The following KNDC1 variants were observed in gnomAD, a reference collection of about 807,000 sequenced individuals.
The protein encoded by KNDC1 is kinase non-catalytic C-lobe domain containing 1, also known as kinase non-catalytic C-lobe domain-containing protein 1.
A neutral mutation model predicts 172.8 loss-of-function variants in KNDC1; 106 were observed. The observed-to-expected ratio is 0.61, with a 90% CI of 0.52 to 0.72. KNDC1 has a LOEUF of 0.72. Among genes scored for constraint, KNDC1 ranks in the 30% least tolerant of loss-of-function variants. The pLI is 0.00. For missense variants in KNDC1, 2,325 were observed against 2,394.5 expected (o/e 0.97, Z 0.61); for synonymous variants, 1,083 against 1,062.2 (o/e 1.02, Z -0.38).
chr10:133,170,962 T>A (rs925737759), intron 3 of KNDC1, among the ~76,000 whole-genome samples: 31 of 152,238 alleles, frequency 2.0e-4, no homozygotes, highest in African/African-American at 6.5e-4. Flanking sequence ...TGAGCCACAC[T>A]CAGAGAAAAG....
At chr10:133,183,157 C>T (rs946755639) in intron 3 of KNDC1, among the ~76,000 whole-genome samples, 187 bp from the exon 4 acceptor site, 5 of 148,722 alleles carry the variant, frequency 3.4e-5, no homozygotes, top group Non-Finnish European at 7.5e-5. Context: ...TGGGCGCGGG[C>T]GGCGAGGGTG....
At chr10:133,181,608 G>A (rs1303151441) in intron 3 of KNDC1, among the ~76,000 whole-genome samples, 1 of 152,206 alleles carries the variant, frequency 6.6e-6, no homozygotes, top group Non-Finnish European at 1.5e-5. Flanking sequence ...GGGTAGAGGA[G>A]AAGCAGAAAC....
chr10:133,190,781 G>C lies in KNDC1; in HGVS notation c.1575+968G>C, dbSNP rs74164114. 1.3e-3 allele frequency among the ~76,000 whole-genome samples: 191 copies of C among 152,342 alleles called. 1 individual carries two copies. The highest frequency in any genetic ancestry group is 4.4e-3 in the African/African-American group (181 of 41,592). ...CCTTTACACCAAGAAGGCTGGGAAA[G>C]CACTGTCATCTGCAGGTGGCCCAGG... is the stretch of plus-strand genomic sequence containing the variant. On this transcript the variant is annotated intron_variant, in intron 9 of 29. Coordinates refer to ENST00000304613, the MANE Select transcript of KNDC1 (RefSeq NM_152643.8).
intron 7 of KNDC1, 90 bp downstream of exon 7, chr10:133,188,743 AC>A (rs1353596758): frequency 5.2e-6 from 2 of 385,260 alleles, no homozygotes; most frequent in East Asian, 5.0e-5. Flanking sequence ...CCGCCGTCCC[AC>A]CCCCCACACC....
chr10:133,181,774 G>C (rs2135969340), intron 3 of KNDC1, among the ~76,000 whole-genome samples: 1 of 151,126 alleles, frequency 6.6e-6, no homozygotes, highest in East Asian at 2.0e-4. Flanking sequence ...GTGTGTGCTG[G>C]GTGTGCACGT....
Position 133,222,028 on chromosome 10 carries a change from C to T in KNDC1, c.5018+1916C>T, listed in dbSNP as rs1392783922. On this transcript the variant is annotated intron_variant, in intron 29 of 29. Coordinates refer to ENST00000304613, the MANE Select transcript of KNDC1 (RefSeq NM_152643.8). The stretch of plus-strand genomic sequence containing the variant: ...CGGGCGCGGTGGCTCACGCCAGTAA[C>T]TCTAACACTCTGGGAGGCCGAGGCG... Among the ~76,000 whole-genome samples, 528 of 133,928 alleles carry T rather than the reference C, an allele frequency of 3.9e-3. 35 individuals are homozygous for T. The highest frequency in any genetic ancestry group is 0.015 in the African/African-American group (499 of 34,390). 87.9% of individuals were successfully genotyped at this position (133,928 alleles called of 152,430 possible).
chr10:133,183,304 A>T, intron 3 of KNDC1, 40 bp from the exon 4 acceptor site: 1 of 1,544,680 alleles, frequency 6.5e-7, no homozygotes. Context: ...GGTGGCGCAC[A>T]CGCAGAGACT....
intron 6 of KNDC1, among the ~76,000 whole-genome samples, chr10:133,187,754 GTGTA>G (rs1853961481): frequency 6.6e-6 from 1 of 152,332 alleles, no homozygotes; most frequent in South Asian, 2.1e-4. Flanking sequence ...CACGGTGTGT[GTGTA>G]TGTGAGAAAA....
At chr10:133,204,892 T>C (rs1854480135) in intron 17 of KNDC1, among the ~76,000 whole-genome samples, 1 of 151,518 alleles carries the variant, frequency 6.6e-6, no homozygotes, top group African/African-American at 2.4e-5. Context: ...GCCTCTCACC[T>C]CTGCCCCCAG....
chr10:133,197,619 C>G, intron 11 of KNDC1, 56 bp from the exon 12 acceptor site: 4 of 1,364,420 alleles, frequency 2.9e-6, no homozygotes, highest in Non-Finnish European at 4.2e-6. Context: ...GTGGGTGTTG[C>G]CGGCGCTGGC....
chr10:133,223,896 G>A (rs560235901), intron 29 of KNDC1, among the ~76,000 whole-genome samples: 4 of 104,708 alleles, frequency 3.8e-5, no homozygotes, highest in South Asian at 3.5e-4. Flanking sequence ...TGCTCTTCCC[G>A]GCGTGTGTGT....
rs1024455132 is a variant in KNDC1, at chr10:133,225,607, G to C, written c.*717G>C. ...AGCCCTTGGTGAGGTGGTCATGCCC[G>C]GGCAAAGGCCCTGCTTCCTGGAAAG... is the stretch of plus-strand genomic sequence containing the variant. On this transcript the variant is annotated 3_prime_UTR_variant, in exon 30 of 30. Transcript: ENST00000304613. 1 of 152,558 alleles carries C rather than the reference G, an allele frequency of 6.6e-6. No homozygotes were observed. The highest frequency in any genetic ancestry group is 1.5e-5 in the Non-Finnish European group (1 of 68,328). 9.5% of individuals were successfully genotyped at this position (152,558 alleles called of 1,614,324 possible).
In KNDC1 at chr10:133,163,236, GCCAGAGCAGGACGTGT is replaced by G. The variant is rs1484354007; in HGVS notation, c.102+2670_102+2685del. Among the ~76,000 whole-genome samples, 2 of 152,158 alleles carry G rather than the reference GCCAGAGCAGGACGTGT, an allele frequency of 1.3e-5. No individual in the cohort carries two copies. The highest frequency in any genetic ancestry group is 4.8e-5 in the African/African-American group (2 of 41,426). On this transcript the variant is annotated intron_variant, in intron 1 of 29. Transcript: ENST00000304613. This position sits in a 1 kb window ranked among gnomAD's most constrained non-coding sequence, Gnocchi z 4.4. ...ACGAAGAGGGTGCACCGGTTTGGGT[GCCAGAGCAGGACGTGT>G]CCCGGGTCCCTGAGAGGCAGGCAGC...
In KNDC1 at chr10:133,183,618, C is replaced by G. The variant is rs534693721; in HGVS notation, c.507+128C>G. Reference sequence around the variant, plus strand: ...CCGCAACCACAGTCTCATGGCATGGCATTTTGCTTAAAGGAGGACTTGGTT... The same window carrying G: ...CCGCAACCACAGTCTCATGGCATGGGATTTTGCTTAAAGGAGGACTTGGTT... On this transcript the variant is annotated intron_variant, in intron 4 of 29. Transcript: ENST00000304613. 5.3e-6 allele frequency: 6 copies of G among 1,141,564 alleles called. No homozygotes were observed. In the African/African-American group the frequency reaches 9.3e-5, roughly 18 times the overall value. The allele number at this position is 1,141,564 out of a possible 1,614,324, so 70.7% of individuals were successfully genotyped here. A position where few individuals can be genotyped will look rare whatever the true frequency, so the allele number is the denominator to read the frequency against.
rs1275579398 is a variant in KNDC1, at chr10:133,160,366, G to T, written c.-102G>T. The T allele has an allele frequency of 4.3e-6, 2 of 461,140 alleles. No individual in the cohort carries two copies. The highest frequency in any genetic ancestry group is 5.3e-5 in the Admixed American group (1 of 18,992). 28.6% of individuals were successfully genotyped at this position (461,140 alleles called of 1,614,324 possible). On this transcript the variant is annotated 5_prime_UTR_variant, in exon 1 of 30. Transcript: ENST00000304613. ...GCGGCAGCGGCGGGCGGGCGGGGGC[G>T]GGCGAGGGCCGGGCGCGTCTCCATG... is the stretch of plus-strand genomic sequence containing the variant.
chr10:133,225,145 A>T lies in KNDC1; in HGVS notation c.*255A>T, dbSNP rs1845695415. 2 of 480,082 alleles carry T rather than the reference A, an allele frequency of 4.2e-6. No homozygotes were observed. The highest frequency in any genetic ancestry group is 7.6e-6 in the Non-Finnish European group (2 of 264,462). The allele number at this position is 480,082 out of a possible 1,614,324, so 29.7% of individuals were successfully genotyped here. ...TGTTTCTGCTAGAATTAAAAAGTTA[A>T]ATTTAAAAATGAAAATGAAAGACAG... On this transcript the variant is annotated 3_prime_UTR_variant, in exon 30 of 30. Transcript: ENST00000304613.
At chr10:133,184,092 ACTG>A in intron 5 of KNDC1, 103 bp downstream of exon 5, 5 of 609,610 alleles carry the variant, frequency 8.2e-6, no homozygotes, top group Non-Finnish European at 1.4e-5. Flanking sequence ...ACACACACAC[ACTG>A]CACACACACC....
chr10:133,210,492 G>C, intron 20 of KNDC1, 119 bp from the exon 21 acceptor site: 1 of 647,758 alleles, frequency 1.5e-6, no homozygotes, highest in African/African-American at 1.8e-5. Context: ...GGATTCTCCT[G>C]ACAGTGATAC....
Position 133,197,657 on chromosome 10 carries a change from C to T in KNDC1, c.1813-18C>T. 6.3e-7 allele frequency: 1 copy of T among 1,597,052 alleles called. No individual in the cohort carries two copies. The highest frequency in any genetic ancestry group is 8.6e-7 in the Non-Finnish European group (1 of 1,166,182). ...AGCTCCGTGGTCACCTGGCCCAGGG[C>T]TGTCACCTCCTCCCCAGGTGTACCA... On this transcript the variant is annotated intron_variant, in intron 11 of 29. Transcript: ENST00000304613.
Sources: allele counts gnomAD v4.1 joint callset (sites outside exome capture counted in the v4.1 genomes callset), GRCh38; gene constraint gnomAD v4.1.1; non-coding constraint Gnocchi (gnomAD v3.1); transcripts MANE v1.5; gene names NCBI Gene and HGNC (gene_info 2026-07-23, HGNC 2026-07-21).